The following COL25A1 variants were observed in gnomAD, a reference collection of about 807,000 sequenced individuals.
COL25A1 encodes the protein collagen type XXV alpha 1 chain.
A neutral mutation model predicts 128.4 loss-of-function variants in COL25A1; 103 were observed. That is an observed-to-expected ratio of 0.80 (90% CI 0.68 to 0.94). COL25A1 has a LOEUF of 0.94. COL25A1 is among the 40% of genes least tolerant of loss of function. The pLI is 0.00. For synonymous variants in COL25A1, 279 were observed against 277.2 expected (o/e 1.01, Z -0.06); for missense variants, 745 against 840.0 (o/e 0.89, Z 1.40).
chr4:108,883,111 G>A (rs183932227), intron 19 of COL25A1, among the ~76,000 whole-genome samples: 206 of 151,964 alleles, frequency 1.4e-3, no homozygotes, highest in African/African-American at 4.5e-3. Context: ...GCGTGATCTC[G>A]GCTCACTGCA....
chr4:109,183,380 T>G (rs1240584192), intron 3 of COL25A1, among the ~76,000 whole-genome samples: 1 of 152,098 alleles, frequency 6.6e-6, no homozygotes, highest in African/African-American at 2.4e-5. Context: ...ACATAACAAT[T>G]TAATAGATTA....
intron 28 of COL25A1, among the ~76,000 whole-genome samples, chr4:108,845,548 T>C (rs966864846): frequency 5.9e-5 from 9 of 152,228 alleles, no homozygotes; most frequent in African/African-American, 2.2e-4. Flanking sequence ...ATATCTTTTA[T>C]GGTGGTGCGC....
chr4:109,040,860 TTTTTTAA>T (rs1168173380), intron 5 of COL25A1, among the ~76,000 whole-genome samples: 1 of 151,488 alleles, frequency 6.6e-6, no homozygotes, highest in Non-Finnish European at 1.5e-5. Flanking sequence ...TGGTTTTTTA[TTTTTTAA>T]TTTGAAAAGA....
At chr4:109,300,941 C>T (rs1725456968) in intron 2 of COL25A1, among the ~76,000 whole-genome samples, 1 of 152,190 alleles carries the variant, frequency 6.6e-6, no homozygotes, top group Admixed American at 6.5e-5. Context: ...ATGTAAAAAC[C>T]TAGCACTAAA....
At chr4:109,221,334 T>C (rs948283150) in intron 3 of COL25A1, among the ~76,000 whole-genome samples, 1 of 152,082 alleles carries the variant, frequency 6.6e-6, no homozygotes, top group Admixed American at 6.6e-5. Flanking sequence ...AGAATGAAAA[T>C]CCACGCAAAT....
intron 3 of COL25A1, among the ~76,000 whole-genome samples, chr4:109,262,860 T>C (rs1341762632): frequency 6.6e-6 from 1 of 152,136 alleles, no homozygotes; most frequent in Non-Finnish European, 1.5e-5. Context: ...CCGAGTGCAG[T>C]GAGTCATGCC....
At position 108,844,521 on chromosome 4, in the gene COL25A1, T is replaced by G. The variant is rs1734848328; in HGVS notation, c.1627A>C (p.Met543Leu). The G allele has an allele frequency of 6.2e-7, 1 of 1,613,952 alleles. No individual in the cohort carries two copies. The highest frequency in any genetic ancestry group is 1.3e-5 in the African/African-American group (1 of 74,920). Residue 543 changes from methionine to leucine, a missense_variant and splice_region_variant, in exon 30 of 38, where the codon ATG becomes CTG. This residue lies in a region of COL25A1 where 387 missense variants were observed against 441.9 expected (regional missense o/e 0.88). Transcript: ENST00000399132. Reference sequence around the variant, plus strand: ...TTTCAGAAAGAAGGGAAACTTACCATGGGGCCAGGTGGGCCATGGGGACCT... The same window carrying G: ...TTTCAGAAAGAAGGGAAACTTACCAGGGGGCCAGGTGGGCCATGGGGACCT... Reference protein sequence around the residue: ...PPGPHGPPGPMGPHGLPGPKG... With the variant: ...PPGPHGPPGPLGPHGLPGPKG...
At chr4:108,976,645 G>T (rs1316798374) in intron 6 of COL25A1, among the ~76,000 whole-genome samples, 1 of 152,212 alleles carries the variant, frequency 6.6e-6, no homozygotes, top group Non-Finnish European at 1.5e-5. Flanking sequence ...CAGGAAACAG[G>T]CCCAGGTTCT....
At chr4:109,042,117 T>C (rs1213939496) in intron 5 of COL25A1, among the ~76,000 whole-genome samples, 1 of 152,108 alleles carries the variant, frequency 6.6e-6, no homozygotes, top group African/African-American at 2.4e-5. Context: ...TTGCAGCTCT[T>C]TGCCCCTTAC....
Position 109,220,089 on chromosome 4 carries a change from AC to A in COL25A1, c.367+80493del, listed in dbSNP as rs1778306836. Among the ~76,000 whole-genome samples the A allele has an allele frequency of 5.9e-5, 9 of 152,306 alleles. No individual in the cohort carries two copies. The South Asian group carries it at 1.4e-3, about 25-fold the overall frequency. ...CAATAAACCCATATCAGAGCCACCAACTGCTTTGAGTTCTCAATCAATTGAG... is the reference window on the plus strand; with the variant it reads ...CAATAAACCCATATCAGAGCCACCAATGCTTTGAGTTCTCAATCAATTGAG... On this transcript the variant is annotated intron_variant, in intron 3 of 37. Coordinates refer to ENST00000399132, the MANE Select transcript of COL25A1 (RefSeq NM_198721.4).
intron 3 of COL25A1, among the ~76,000 whole-genome samples, chr4:109,266,031 A>T (rs1347201537): frequency 2.0e-5 from 3 of 148,122 alleles, no homozygotes; most frequent in East Asian, 2.0e-4. Context: ...AGTTTTTTTT[A>T]AAACAGGTCG....
chr4:109,173,285 A>T (rs1773764851), intron 3 of COL25A1, among the ~76,000 whole-genome samples: 1 of 152,086 alleles, frequency 6.6e-6, no homozygotes, highest in African/African-American at 2.4e-5. Flanking sequence ...ATGAGGTCTC[A>T]CTATATTGTC....
chr4:109,160,386 AT>A (rs1772448761), intron 3 of COL25A1, among the ~76,000 whole-genome samples: 1 of 152,238 alleles, frequency 6.6e-6, no homozygotes, highest in Non-Finnish European at 1.5e-5. Context: ...AGTTATGTTT[AT>A]AAATAGAGCA....
chr4:109,266,277 G>A (rs1413697425), intron 3 of COL25A1, among the ~76,000 whole-genome samples: 1 of 152,176 alleles, frequency 6.6e-6, no homozygotes, highest in African/African-American at 2.4e-5. Context: ...ATGAATGTCA[G>A]CTATTATTTT....
At chr4:108,941,569 T>G in intron 8 of COL25A1, 132 bp from the exon 9 acceptor site, 1 of 622,834 alleles carries the variant, frequency 1.6e-6, no homozygotes, top group East Asian at 2.8e-5. Context: ...AAAATAGAAC[T>G]GGCACTTATG....
chr4:109,218,141 C>CATAT (rs1284774582), intron 3 of COL25A1, among the ~76,000 whole-genome samples: 1 of 152,072 alleles, frequency 6.6e-6, no homozygotes, highest in Non-Finnish European at 1.5e-5. Context: ...TACTATAAGT[C>CATAT]ATATAGTAAA....
intron 3 of COL25A1, among the ~76,000 whole-genome samples, chr4:109,104,874 TAAG>T (rs1766269108): frequency 6.6e-6 from 1 of 152,202 alleles, no homozygotes; most frequent in Non-Finnish European, 1.5e-5. Context: ...TATCTAGTGA[TAAG>T]AAATTGCCAT....
At chr4:109,157,328 A>G (rs1057047211) in intron 3 of COL25A1, among the ~76,000 whole-genome samples, 15 of 152,196 alleles carry the variant, frequency 9.9e-5, no homozygotes, top group African/African-American at 3.1e-4. Flanking sequence ...CCCAAAGAAC[A>G]TATGCCAGTA....
chr4:108,977,295 C>A (rs978707775), intron 6 of COL25A1, among the ~76,000 whole-genome samples: 1 of 152,160 alleles, frequency 6.6e-6, no homozygotes, highest in Non-Finnish European at 1.5e-5. Context: ...ACCTTTTTAT[C>A]TCTTACCCCC....
Sources: gnomAD v4.1 joint callset for allele counts (sites outside exome capture counted in the v4.1 genomes callset) on GRCh38, gnomAD v4.1.1 for gene constraint, gnomAD v4.1.1 regional missense constraint, MANE v1.5 for transcripts, NCBI Gene and HGNC (gene_info 2026-07-23, HGNC 2026-07-21) for gene names.